The following NEXN variants were observed in gnomAD, a reference collection of about 807,000 sequenced individuals.
NEXN encodes the protein nexilin F-actin binding protein.
In NEXN, 65 loss-of-function variants were observed where a neutral mutation model predicts 92.6. That is an observed-to-expected ratio of 0.70 (90% confidence interval 0.57 to 0.86). The LOEUF is 0.86. Ranked by LOEUF, NEXN falls within the 40% of genes least tolerant of loss-of-function variation. The pLI, the probability that NEXN is intolerant of heterozygous loss-of-function variation, is 0.00. For missense variants in NEXN, 778 were observed against 771.1 expected, an observed-to-expected ratio of 1.01 and a Z score of -0.11; for synonymous variants, 254 against 242.5, an observed-to-expected ratio of 1.05 and a Z score of -0.44.
At chr1:77,924,438 T>C (rs956066086) in intron 5 of NEXN, among the ~76,000 whole-genome samples, 1 of 152,220 alleles carries the variant, frequency 6.6e-6, no homozygotes, top group African/African-American at 2.4e-5. Context: ...TATATTTATG[T>C]TGTAAAATAT....
chr1:77,918,174 A>G lies in NEXN; in HGVS notation c.348A>G (p.Glu116=). The change falls in exon 5 of 13, where the codon GAA becomes GAG. Residue 116 remains glutamate (E), a synonymous_variant. Coordinates refer to ENST00000334785, the MANE Select transcript of NEXN (RefSeq NM_144573.4). ...FAEMEKQRQE[E]QRKRTEEERK... is the part of the protein sequence containing the mutation. ...AAATGGAGAAACAAAGACAAGAGGA[A>G]CAAAGGAAGAGAACGGAGGAGGAAC... 2 of 1,614,130 alleles carry G rather than the reference A, an allele frequency of 1.2e-6. No homozygotes were observed. The highest frequency in any genetic ancestry group is 1.6e-4 in the Middle Eastern group (1 of 6,062).
intron 1 of NEXN, among the ~76,000 whole-genome samples, chr1:77,912,057 C>T (rs979585230): frequency 4.8e-5 from 7 of 146,826 alleles, no homozygotes; most frequent in Non-Finnish European, 7.4e-5. Flanking sequence ...CCAGTCTGGG[C>T]GACAGAGTGA....
rs184375777 is a variant in NEXN at position 77,917,487 on chromosome 1, G to A, written c.28-79G>A. The A allele has an allele frequency of 5.1e-4, 514 of 1,015,492 alleles. 1 individual carries two copies. Among genetic ancestry groups the A allele is most frequent in the South Asian group, 1.8e-3 (130 of 71,170 alleles). 62.9% of individuals were successfully genotyped at this position (1,015,492 alleles called of 1,614,324 possible). On this transcript the variant is annotated intron_variant, in intron 2 of 12. Coordinates refer to ENST00000334785, the MANE Select transcript of NEXN (RefSeq NM_144573.4). The stretch of plus-strand genomic sequence containing the variant: ...TGTTTCAATAAATATTTTTTATATT[G>A]CTTATTCTTATCTATCTTTACCTAA...
intron 1 of NEXN, among the ~76,000 whole-genome samples, chr1:77,894,297 G>T (rs757313464): frequency 3.3e-5 from 5 of 152,140 alleles, no homozygotes; most frequent in Non-Finnish European, 7.4e-5. Flanking sequence ...GTATTGGTAG[G>T]AGGGAAATAG....
chr1:77,922,270 G>T (rs1649483546), intron 5 of NEXN, among the ~76,000 whole-genome samples: 1 of 150,314 alleles, frequency 6.7e-6, no homozygotes, highest in Admixed American at 6.7e-5. Context: ...CTCCCAAGTA[G>T]CTGGGACTAC....
intron 1 of NEXN, among the ~76,000 whole-genome samples, chr1:77,914,187 C>T (rs1648789770): frequency 6.6e-6 from 1 of 152,070 alleles, no homozygotes; most frequent in African/African-American, 2.4e-5. Flanking sequence ...ACCCAAAACC[C>T]ACAGAATGTA....
intron 9 of NEXN, among the ~76,000 whole-genome samples, chr1:77,931,436 A>G (rs1173268660): frequency 6.7e-6 from 1 of 149,392 alleles, no homozygotes; most frequent in East Asian, 1.9e-4. Context: ...AAAAAAAAAA[A>G]AAAAAGAAGC....
chr1:77,936,173 G>T, intron 11 of NEXN, 129 bp downstream of exon 11: 2 of 681,172 alleles, frequency 2.9e-6, no homozygotes, highest in Non-Finnish European at 2.5e-6. Context: ...AATCTGGGAA[G>T]TAAATAGCAA....
intron 5 of NEXN, among the ~76,000 whole-genome samples, chr1:77,919,159 G>A (rs1479861657): frequency 6.6e-6 from 1 of 152,096 alleles, no homozygotes; most frequent in Non-Finnish European, 1.5e-5. Flanking sequence ...AAAACCATCA[G>A]ATCTCATGAG....
At chr1:77,890,612 G>A (rs148434785) in intron 1 of NEXN, among the ~76,000 whole-genome samples, 619 of 152,122 alleles carry the variant, frequency 4.1e-3, no homozygotes, top group Non-Finnish European at 7.0e-3. Context: ...TCATTTTTGA[G>A]CAGAATAAAA....
intron 1 of NEXN, among the ~76,000 whole-genome samples, chr1:77,894,750 C>G (rs1647187958): frequency 1.3e-5 from 2 of 151,896 alleles, no homozygotes; most frequent in South Asian, 4.2e-4. Context: ...GAGTCTTGCT[C>G]TGTAGCCCAG....
chr1:77,935,765 C>G, intron 10 of NEXN, 58 bp from the exon 11 acceptor site: 2 of 1,498,278 alleles, frequency 1.3e-6, no homozygotes, highest in Non-Finnish European at 1.8e-6. Context: ...CCAGCCTTGG[C>G]AACATAGTGA....
intron 6 of NEXN, 144 bp downstream of exon 6, chr1:77,925,373 A>G: frequency 1.4e-6 from 1 of 692,140 alleles, no homozygotes. Flanking sequence ...TTTGCAAAGC[A>G]AGAGCATACT....
intron 11 of NEXN, among the ~76,000 whole-genome samples, chr1:77,941,238 A>G (rs545401438): frequency 9.4e-4 from 94 of 99,674 alleles, no homozygotes; most frequent in African/African-American, 3.9e-3. Flanking sequence ...TTAGAAACCA[A>G]AAGTCAAGAA....
intron 1 of NEXN, among the ~76,000 whole-genome samples, chr1:77,899,271 AT>A (rs1647493152): frequency 6.6e-6 from 1 of 151,968 alleles, no homozygotes; most frequent in Admixed American, 6.6e-5. Flanking sequence ...ATGTCCAACA[AT>A]GATAGACTGG....
intron 5 of NEXN, among the ~76,000 whole-genome samples, chr1:77,918,697 C>G (rs2102096562): frequency 6.7e-6 from 1 of 149,108 alleles, no homozygotes; most frequent in South Asian, 2.1e-4. Flanking sequence ...GGCAGCTAAC[C>G]TGAAAAGATC....
intron 1 of NEXN, among the ~76,000 whole-genome samples, chr1:77,892,884 T>C (rs548939489): frequency 4.9e-3 from 743 of 151,770 alleles, no homozygotes; most frequent in Admixed American, 9.3e-3. Context: ...TTTTTTTTTT[T>C]GAGACGGAGT....
In NEXN at chr1:77,942,208, G is replaced by C. The variant is rs557379467; in HGVS notation, c.1659G>C (p.Lys553Asn). ...EQREIDAALQ[K>N]KREEEEEEEG... ...GGGAAATTGATGCAGCACTACAAAAGGTACCAGGCTTATGTATCCTTTATT... is the reference window on the plus strand; with the variant it reads ...GGGAAATTGATGCAGCACTACAAAACGTACCAGGCTTATGTATCCTTTATT... Residue 553 changes from lysine to asparagine, a missense_variant and splice_region_variant, in exon 12 of 13, where the codon AAG becomes AAC. Physicochemically the swap from Lys to Asn is moderately conservative, Grantham distance 94. Coordinates refer to ENST00000334785, the MANE Select transcript of NEXN (RefSeq NM_144573.4). 3.1e-6 allele frequency: 5 copies of C among 1,613,384 alleles called. No individual in the cohort carries two copies. The Admixed American group carries it at 8.3e-5, about 27-fold the overall frequency.
At chr1:77,911,364 G>A (rs1648561045) in intron 1 of NEXN, among the ~76,000 whole-genome samples, 1 of 152,172 alleles carries the variant, frequency 6.6e-6, no homozygotes, top group Non-Finnish European at 1.5e-5. Context: ...GGCCAAGACA[G>A]GTGGATTACC....
Sources: gnomAD v4.1 joint callset for allele counts (sites outside exome capture counted in the v4.1 genomes callset) on GRCh38, gnomAD v4.1.1 for gene constraint, MANE v1.5 for transcripts, NCBI Gene and HGNC (gene_info 2026-07-23, HGNC 2026-07-21) for gene names.